ZNF540: variants seen among roughly 807,000 people sequenced by gnomAD.
ZNF540 encodes zinc finger protein 540, also known as CTD-3064H18.6.
ZNF540 carries 3 observed loss-of-function variants against 11.8 expected under a neutral mutation model. That is an observed-to-expected ratio of 0.25 (90% CI 0.12 to 0.65). The LOEUF is 0.65. Ranked by LOEUF, ZNF540 falls within the 30% of genes least tolerant of loss-of-function variation. ZNF540 has a pLI of 0.83. For missense variants in ZNF540, 709 were observed against 793.1 expected, an observed-to-expected ratio of 0.89 and a Z score of 1.27; for synonymous variants, 247 against 259.0, an observed-to-expected ratio of 0.95 and a Z score of 0.45.
chr19:37,563,739 A>G (rs1203057552), intron 1 of ZNF540: 11 of 151,742 alleles, frequency 7.2e-5, no homozygotes, highest in African/African-American at 1.9e-4. Context: ...CGTGGAATAT[A>G]TACACATGTG....
At chr19:37,579,189 C>G (rs976145265) in intron 1 of ZNF540, among the ~76,000 whole-genome samples, 23 of 152,308 alleles carry the variant, frequency 1.5e-4, no homozygotes, top group African/African-American at 5.5e-4. Flanking sequence ...CAACCTGTCC[C>G]ACCTCCCCAC....
At position 37,609,772 on chromosome 19, in the gene ZNF540, T is replaced by C. The variant is rs373562342; in HGVS notation, c.233-1741T>C. Among the ~76,000 whole-genome samples, 684 of 151,940 alleles carry C rather than the reference T, an allele frequency of 4.5e-3. 4 individuals are homozygous for C. Among genetic ancestry groups the C allele is most frequent in the African/African-American group, 0.016 (662 of 41,448 alleles). On this transcript the variant is annotated intron_variant, in intron 4 of 4. Transcript: ENST00000316433. ...CTGAGGCAGGAGAATCGCTTGAACC[T>C]GGGAGGCAGAGGTTGCAGTGAGCCG...
intron 1 of ZNF540, chr19:37,566,260 T>A (rs773109162): frequency 6.2e-7 from 1 of 1,613,012 alleles, no homozygotes; most frequent in Non-Finnish European, 8.5e-7. Flanking sequence ...TTTCTGGAGA[T>A]AACTTTTTGG....
At chr19:37,600,966 A>G (rs1226844561) in intron 3 of ZNF540, 44 bp from the exon 4 acceptor site, 2 of 1,465,670 alleles carry the variant, frequency 1.4e-6, no homozygotes, top group Non-Finnish European at 1.9e-6. Context: ...TGAATGTGCA[A>G]TGTTTTATTT....
chr19:37,590,258 TA>T (rs60417935), upstream of ZNF540, among the ~76,000 whole-genome samples: 2 of 149,152 alleles, frequency 1.3e-5, no homozygotes, highest in Admixed American at 6.7e-5. Context: ...AAAATAAAAA[TA>T]AAAAAAAATT....
chr19:37,613,325 A>G lies in ZNF540; in HGVS notation c.*62A>G. ...GAATATCAAAATATTTATGGCCAGA[A>G]GTTCTGTCAATGTGTTGATGTTTTT... On this transcript the variant is annotated 3_prime_UTR_variant, in exon 5 of 5. Coordinates refer to ENST00000316433, the MANE Select transcript of ZNF540 (RefSeq NM_001172225.3). 8.2e-7 allele frequency: 1 copy of G among 1,213,014 alleles called. No homozygotes were observed. Among genetic ancestry groups the G allele is most frequent in the Non-Finnish European group, 1.1e-6 (1 of 911,068 alleles). 75.1% of individuals were successfully genotyped at this position (1,213,014 alleles called of 1,614,324 possible). A position where few individuals can be genotyped will look rare whatever the true frequency, so the allele number is the denominator to read the frequency against.
intron 1 of ZNF540, chr19:37,586,582 A>G (rs1046864090): frequency 1.9e-6 from 3 of 1,540,164 alleles, no homozygotes; most frequent in East Asian, 2.3e-5. Flanking sequence ...GGAACCAAAC[A>G]AGGCAGGAAA....
chr19:37,610,928 G>C (rs2044123016), intron 4 of ZNF540: 1 of 152,066 alleles, frequency 6.6e-6, no homozygotes, highest in African/African-American at 2.4e-5. Flanking sequence ...AGCAGTATTT[G>C]TGATAAAGTT....
intron 1 of ZNF540, chr19:37,565,210 A>G (rs749817273): frequency 2.0e-5 from 33 of 1,613,486 alleles, no homozygotes; most frequent in Non-Finnish European, 2.6e-5. Flanking sequence ...GATGTTGAAT[A>G]AGATTAGAAT....
intron 1 of ZNF540, chr19:37,563,916 A>G (rs1050848936): frequency 6.6e-6 from 1 of 152,156 alleles, no homozygotes; most frequent in Non-Finnish European, 1.5e-5. Flanking sequence ...TAAAGTAACA[A>G]TCAGAAAATG....
rs2044148487 is a variant in ZNF540 at position 37,613,307 on chromosome 19, A to C, written c.*44A>C. On this transcript the variant is annotated 3_prime_UTR_variant, in exon 5 of 5. Coordinates refer to ENST00000316433, the MANE Select transcript of ZNF540 (RefSeq NM_001172225.3). ...TGTCATGCTCTATTTATAGAATATC[A>C]AAATATTTATGGCCAGAAGTTCTGT... 1 of 1,341,492 alleles carries C rather than the reference A, an allele frequency of 7.5e-7. No homozygotes were observed. The highest frequency in any genetic ancestry group is 1.5e-5 in the African/African-American group (1 of 68,616). The allele number at this position is 1,341,492 out of a possible 1,614,324, so 83.1% of individuals were successfully genotyped here.
intron 1 of ZNF540, among the ~76,000 whole-genome samples, chr19:37,561,661 A>G (rs1189275730): frequency 1.3e-5 from 2 of 152,234 alleles, no homozygotes; most frequent in Admixed American, 6.5e-5. Context: ...AACCCGCTCT[A>G]CGTATTTTGG....
In ZNF540 at chr19:37,576,042, T is replaced by C. The variant is rs2043231760; in HGVS notation, c.-72-22334T>C. 2.0e-5 allele frequency among the ~76,000 whole-genome samples: 3 copies of C among 148,940 alleles called. No homozygotes were observed. In the South Asian group the frequency reaches 6.4e-4, roughly 32 times the overall value. ...TAACTACAGGTAAGGCATACATGCA[T>C]ACACACACACACACACACACACAAG... On this transcript the variant is annotated intron_variant, in intron 1 of 4. Transcript: ENST00000592533.
intron 1 of ZNF540, chr19:37,586,306 G>A (rs2043672011): frequency 1.5e-5 from 3 of 196,284 alleles, no homozygotes; most frequent in South Asian, 3.6e-4. Flanking sequence ...CAGGATTGTA[G>A]AGAAGATCAA....
chr19:37,587,778 C>T (rs2043727691), intron 1 of ZNF540, among the ~76,000 whole-genome samples: 2 of 152,108 alleles, frequency 1.3e-5, no homozygotes, highest in South Asian at 2.1e-4. Context: ...TTGTCCTCCC[C>T]GCTAACCAAT....
At chr19:37,576,451 G>A (rs560076260) in intron 1 of ZNF540, among the ~76,000 whole-genome samples, 50 of 152,216 alleles carry the variant, frequency 3.3e-4, no homozygotes, top group Middle Eastern at 3.4e-3. Flanking sequence ...TTAGCAGCTC[G>A]TAAAACCTTA....
Position 37,613,016 on chromosome 19 carries a change from A to G in ZNF540, c.1736A>G (p.Tyr579Cys), listed in dbSNP as rs139187577. The change falls in exon 5 of 5, where the codon TAC (tyrosine) becomes TGC (cysteine). Residue 579 changes from tyrosine (Y) to cysteine (C), a missense_variant. Coordinates refer to ENST00000316433, the MANE Select transcript of ZNF540 (RefSeq NM_001172225.3). Reference protein sequence around the residue: ...HQKIHTGVKPYKCKECGKAFS... With the variant: ...HQKIHTGVKPCKCKECGKAFS... ...AAAATTCATACGGGTGTAAAACCATACAAATGTAAAGAATGTGGGAAGGCC... is the reference window on the plus strand; with the variant it reads ...AAAATTCATACGGGTGTAAAACCATGCAAATGTAAAGAATGTGGGAAGGCC... 1,352 of 1,614,104 alleles carry G rather than the reference A, an allele frequency of 8.4e-4. 2 individuals are homozygous for G. The highest frequency in any genetic ancestry group is 1.1e-3 in the Non-Finnish European group (1,247 of 1,180,044).
chr19:37,568,496 CAAAT>C (rs150165965), intron 1 of ZNF540, among the ~76,000 whole-genome samples: 3,306 of 152,162 alleles, frequency 0.022, 129 homozygotes, highest in African/African-American at 0.075. Context: ...TATAAGGAAT[CAAAT>C]AAATTCAGTT....
In ZNF540 at chr19:37,612,114, G is replaced by A; in HGVS notation, c.834G>A (p.Lys278=). The A allele has an allele frequency of 1.2e-6, 2 of 1,611,586 alleles. No homozygotes were observed. The highest frequency in any genetic ancestry group is 8.5e-7 in the Non-Finnish European group (1 of 1,179,686). The change falls in exon 5 of 5, where the codon AAG becomes AAA. Residue 278 remains lysine, a synonymous_variant. Coordinates refer to ENST00000316433, the MANE Select transcript of ZNF540 (RefSeq NM_001172225.3). The part of the protein sequence containing the change: ...KKPYMCKKCD[K]GFFSRLELTQ... ...CCTATATGTGTAAGAAATGTGATAA[G>A]GGTTTTTTTAGTAGATTAGAACTTA...
Sources: allele counts gnomAD v4.1 joint callset (sites outside exome capture counted in the v4.1 genomes callset), GRCh38; gene constraint gnomAD v4.1.1; transcripts MANE v1.5; gene names NCBI Gene and HGNC (gene_info 2026-07-23, HGNC 2026-07-21).